ZNF333: variants seen among roughly 807,000 people sequenced by gnomAD.
The protein encoded by ZNF333 is zinc finger protein 333.
ZNF333 carries 61 observed loss-of-function variants against 76.1 expected under a neutral mutation model. The observed-to-expected ratio is 0.80, with a 90% confidence interval of 0.65 to 0.99. The LOEUF (loss-of-function observed/expected upper bound fraction) is 0.99. ZNF333 is among the 50% of genes least tolerant of loss of function. The pLI, the probability that ZNF333 is intolerant of heterozygous loss-of-function variation, is 0.00. For synonymous variants in ZNF333, 284 were observed against 305.0 expected (o/e 0.93, Z 0.72); for missense variants, 717 against 822.4 (o/e 0.87, Z 1.57).
intron 11 of ZNF333, among the ~76,000 whole-genome samples, chr19:14,729,218 G>A (rs750156732): frequency 9.9e-5 from 15 of 152,156 alleles, no homozygotes; most frequent in Non-Finnish European, 1.9e-4. Flanking sequence ...TACAGTCAGG[G>A]TTTCTCAACT....
In ZNF333 at chr19:14,690,065, G is replaced by C. The variant is rs1189669206; in HGVS notation, c.-127G>C. ...GAGACCGGAAGCGGAAGTGCGCGCG[G>C]CGGCGGCCGACGGCGGCTGAGCTGT... On this transcript the variant is annotated 5_prime_UTR_variant, in exon 1 of 12. Transcript: ENST00000292530. 1 of 152,626 alleles carries C rather than the reference G, an allele frequency of 6.6e-6. No individual in the cohort carries two copies. The highest frequency in any genetic ancestry group is 1.5e-5 in the Non-Finnish European group (1 of 68,554). The allele number at this position is 152,626 out of a possible 1,614,324, so 9.5% of individuals were successfully genotyped here. A position where few individuals can be genotyped will look rare whatever the true frequency, so the allele number is the denominator to read the frequency against.
intron 11 of ZNF333, among the ~76,000 whole-genome samples, chr19:14,727,486 A>G (rs760739289): frequency 5.9e-5 from 9 of 152,294 alleles, no homozygotes; most frequent in Non-Finnish European, 1.3e-4. Flanking sequence ...AGCAAGAGAC[A>G]GAGTAGAGAC....
chr19:14,706,663 G>A (rs200251951), intron 6 of ZNF333, 23 bp from the exon 7 acceptor site: 1 of 1,609,224 alleles, frequency 6.2e-7, no homozygotes, highest in East Asian at 2.2e-5. Flanking sequence ...ACTCTAATCT[G>A]TGACCCCTGT....
intron 11 of ZNF333, among the ~76,000 whole-genome samples, chr19:14,728,142 A>G (rs868704984): frequency 1.3e-5 from 2 of 152,292 alleles, no homozygotes; most frequent in Admixed American, 6.5e-5. Context: ...GAGCCTGGGA[A>G]GCGGAGCTTG....
At chr19:14,694,895 C>T in intron 2 of ZNF333, 115 bp from the exon 3 acceptor site, 1 of 1,504,462 alleles carries the variant, frequency 6.6e-7, no homozygotes, top group East Asian at 2.3e-5. Context: ...AGGCTTTAGG[C>T]TGGATTTTCC....
chr19:14,718,541 A>G lies in ZNF333; in HGVS notation c.1214A>G (p.Tyr405Cys). Residue 405 changes from tyrosine to cysteine, a missense_variant, in exon 12 of 12, where the codon TAT becomes TGT. Tyr to Cys is a radical substitution (Grantham distance 194). Coordinates refer to ENST00000292530, the MANE Select transcript of ZNF333 (RefSeq NM_032433.4). The stretch of plus-strand genomic sequence containing the variant: ...CAAGAATGTGGGCAAGCCTTCAAAT[A>G]TTCCTCGAATCTCCGGCGACACATG... ...DCQECGQAFKYSSNLRRHMRT... is the reference protein window; with the variant it reads ...DCQECGQAFKCSSNLRRHMRT... 1 of 1,614,236 alleles carries G rather than the reference A, an allele frequency of 6.2e-7. No individual in the cohort carries two copies. Among genetic ancestry groups the G allele is most frequent in the South Asian group, 1.1e-5 (1 of 91,082 alleles).
intron 7 of ZNF333, among the ~76,000 whole-genome samples, chr19:14,713,147 C>T (rs2042325970): frequency 6.6e-6 from 1 of 152,098 alleles, no homozygotes; most frequent in South Asian, 2.1e-4. Flanking sequence ...GGCAAAATTC[C>T]TCTCCATCTG....
chr19:14,728,552 A>C (rs963868473), intron 11 of ZNF333, among the ~76,000 whole-genome samples: 2 of 152,222 alleles, frequency 1.3e-5, no homozygotes, highest in Non-Finnish European at 2.9e-5. Flanking sequence ...AAATGTATTC[A>C]ATAGAAAGAT....
At chr19:14,726,134 T>TA (rs780051199), downstream of ZNF333, among the ~76,000 whole-genome samples, 25 of 152,290 alleles carry the variant, frequency 1.6e-4, no homozygotes, top group Non-Finnish European at 3.1e-4. Flanking sequence ...CACCAAAGCT[T>TA]ACAGCTTGCA....
At chr19:14,725,114 G>A (rs1473251734), downstream of ZNF333, among the ~76,000 whole-genome samples, 2 of 152,194 alleles carry the variant, frequency 1.3e-5, no homozygotes, top group East Asian at 3.8e-4. Flanking sequence ...ATGGCAAAAA[G>A]TGAAGCAGGA....
In ZNF333 at chr19:14,717,714, T is replaced by A. The variant is rs1041266978; in HGVS notation, c.881T>A (p.Leu294Gln). 15 of 1,614,134 alleles carry A rather than the reference T, an allele frequency of 9.3e-6. No homozygotes were observed. The highest frequency in any genetic ancestry group is 1.6e-4 in the Middle Eastern group (1 of 6,062). Residue 294 changes from leucine to glutamine, a missense_variant, in exon 11 of 12, where the codon CTG (leucine) becomes CAG (glutamine). By Grantham distance (113) the Leu-to-Gln change is moderately radical. Coordinates refer to ENST00000292530, the MANE Select transcript of ZNF333 (RefSeq NM_032433.4). ...IPSQDTFTEI[L>Q]SIDVKGEQPQ... is the part of the protein sequence containing the mutation. ...AGCCAAGATACTTTTACAGAGATCC[T>A]GTCCATTGATGTGAAAGGGGTAAGG...
At chr19:14,715,507 G>A in intron 8 of ZNF333, 37 bp downstream of exon 8, 1 of 1,588,682 alleles carries the variant, frequency 6.3e-7, no homozygotes, top group Non-Finnish European at 8.6e-7. Context: ...GAACACTGCT[G>A]TGCCCAAAGG....
chr19:14,717,765 C>CTA (rs758106389), intron 11 of ZNF333, 32 bp downstream of exon 11: 1 of 1,596,512 alleles, frequency 6.3e-7, no homozygotes, highest in Non-Finnish European at 8.6e-7. Context: ...TCATGGTTCT[C>CTA]TATAGTAGGA....
intron 6 of ZNF333, among the ~76,000 whole-genome samples, chr19:14,705,844 T>G (rs79694854): frequency 0.023 from 3,523 of 152,248 alleles, 155 homozygotes; most frequent in African/African-American, 0.079. Flanking sequence ...AACAGTTTCA[T>G]GCTAAAACCA....
chr19:14,712,098 C>T (rs555926474), intron 7 of ZNF333, among the ~76,000 whole-genome samples: 16 of 152,086 alleles, frequency 1.1e-4, no homozygotes, highest in African/African-American at 3.6e-4. Flanking sequence ...ACTATTTATT[C>T]TGATTAGTTG....
chr19:14,716,999 C>A lies in ZNF333; in HGVS notation c.733C>A (p.Gln245Lys). Reference sequence around the variant, plus strand: ...TGTTTTTTTCTCATGAGCAGCTGATCAACTGTGCAAACCCAATGCGTTGTC... The same window carrying A: ...TGTTTTTTTCTCATGAGCAGCTGATAAACTGTGCAAACCCAATGCGTTGTC... ...NYRNLASVAD[Q>K]LCKPNALSYL... The change falls in exon 10 of 12, where the codon CAA (glutamine) becomes AAA (lysine). Residue 245 changes from glutamine (Q) to lysine (K), a missense_variant. By Grantham distance (53) the Gln-to-Lys change is moderately conservative. Transcript: ENST00000292530. 6.2e-7 allele frequency: 1 copy of A among 1,610,890 alleles called. No homozygotes were observed. Among genetic ancestry groups the A allele is most frequent in the Non-Finnish European group, 8.5e-7 (1 of 1,178,352 alleles).
downstream of ZNF333, among the ~76,000 whole-genome samples, chr19:14,722,252 G>C (rs11669065): frequency 2.0e-5 from 3 of 152,122 alleles, no homozygotes; most frequent in African/African-American, 7.2e-5. Context: ...TGACTTTGCA[G>C]CTCCTCCTAT....
intron 5 of ZNF333, among the ~76,000 whole-genome samples, chr19:14,704,428 A>G (rs557817369): frequency 1.3e-5 from 2 of 152,230 alleles, no homozygotes; most frequent in East Asian, 3.9e-4. Flanking sequence ...GGGAGCTTAG[A>G]TGTACACTAC....
Position 14,720,179 on chromosome 19 carries a change from C to T in ZNF333, c.*854C>T. 5 of 978,410 alleles carry T rather than the reference C, an allele frequency of 5.1e-6. No individual in the cohort carries two copies. Among genetic ancestry groups the T allele is most frequent in the Non-Finnish European group, 6.1e-6 (5 of 823,688 alleles). The allele number at this position is 978,410 out of a possible 1,614,324, so 60.6% of individuals were successfully genotyped here. ...CCAGCCTGGGCAACAGAGTGAAACT[C>T]TGTCTCAAAAATAATAATAATAAAA... On this transcript the variant is annotated 3_prime_UTR_variant, in exon 12 of 12. Coordinates refer to ENST00000292530, the MANE Select transcript of ZNF333 (RefSeq NM_032433.4).
Sources: gnomAD v4.1 joint callset for allele counts (sites outside exome capture counted in the v4.1 genomes callset) on GRCh38, gnomAD v4.1.1 for gene constraint, MANE v1.5 for transcripts, NCBI Gene and HGNC (gene_info 2026-07-23, HGNC 2026-07-21) for gene names.